The following RANBP2 variants were observed in gnomAD, a reference collection of about 807,000 sequenced individuals.
RANBP2 encodes the protein E3 SUMO-protein ligase RanBP2.
In RANBP2, 57 loss-of-function variants were observed where a neutral mutation model predicts 303.6. The observed-to-expected ratio is 0.19, with a 90% CI of 0.15 to 0.23. The LOEUF is 0.23. Ranked by LOEUF, RANBP2 falls within the 10% of genes least tolerant of loss-of-function variation. RANBP2 has a pLI of 1.00. For synonymous variants in RANBP2, 1,167 were observed against 1,301.5 expected, an observed-to-expected ratio of 0.90 and a Z score of 2.23; for missense variants, 3,138 against 3,780.8, an observed-to-expected ratio of 0.83 and a Z score of 4.46.
the RANBP2 span, among the ~76,000 whole-genome samples, chr2:109,694,262 T>C: frequency 1.3e-5 from 2 of 152,116 alleles, no homozygotes; most frequent in Admixed American, 1.3e-4. Flanking sequence ...CCCCCTTCAC[T>C]CTCTTTGCTC....
chr2:109,351,364 T>C, the RANBP2 span, among the ~76,000 whole-genome samples: 1 of 152,242 alleles, frequency 6.6e-6, no homozygotes, highest in African/African-American at 2.4e-5. Context: ...GATGCCAGTG[T>C]GCACTCTGTG....
chr2:109,593,491 C>T, the RANBP2 span, among the ~76,000 whole-genome samples: 7 of 150,118 alleles, frequency 4.7e-5, no homozygotes, highest in East Asian at 3.9e-4. Flanking sequence ...CTGCAACCTC[C>T]GTCTCCCAGG....
chr2:108,849,601 C>T, the RANBP2 span, among the ~76,000 whole-genome samples: 1 of 152,180 alleles, frequency 6.6e-6, no homozygotes, highest in South Asian at 2.1e-4. Flanking sequence ...GATTCTTTCT[C>T]ACAAGGTTCC....
At chr2:109,799,096 C>T in the RANBP2 span, among the ~76,000 whole-genome samples, 1 of 17,612 alleles carries the variant, frequency 5.7e-5, no homozygotes, top group Non-Finnish European at 8.9e-5. Context: ...GGTGAAACCC[C>T]ATCTCTACTG....
the RANBP2 span, among the ~76,000 whole-genome samples, chr2:109,088,413 A>C: frequency 1.3e-5 from 2 of 151,264 alleles, no homozygotes; most frequent in Admixed American, 6.6e-5. Flanking sequence ...AAAAAAAAAA[A>C]AAAGAGCAGC....
chr2:109,404,408 C>T, the RANBP2 span, among the ~76,000 whole-genome samples: 1 of 152,280 alleles, frequency 6.6e-6, no homozygotes, highest in Non-Finnish European at 1.5e-5. Flanking sequence ...TCTGAGTAGC[C>T]ATGTGGGAAA....
chr2:109,175,956 T>G, the RANBP2 span, among the ~76,000 whole-genome samples: 1 of 152,344 alleles, frequency 6.6e-6, no homozygotes, highest in South Asian at 2.1e-4. Flanking sequence ...TCTGGATCAC[T>G]TGTGCTGAAG....
chr2:109,636,532 C>T, the RANBP2 span, among the ~76,000 whole-genome samples: 1 of 152,078 alleles, frequency 6.6e-6, no homozygotes, highest in Non-Finnish European at 1.5e-5. Flanking sequence ...GGAGCTCTTC[C>T]AGATTAAAGG....
the RANBP2 span, among the ~76,000 whole-genome samples, chr2:109,238,157 G>A: frequency 3.3e-5 from 5 of 152,238 alleles, no homozygotes; most frequent in South Asian, 8.3e-4. Context: ...CCATGATCAT[G>A]CGGGTGCACT....
the RANBP2 span, among the ~76,000 whole-genome samples, chr2:109,032,803 A>G: frequency 6.6e-6 from 1 of 152,250 alleles, no homozygotes; most frequent in Non-Finnish European, 1.5e-5. Context: ...CTCCGGTTGC[A>G]CTGCCACTAC....
chr2:108,853,850 T>C, the RANBP2 span, among the ~76,000 whole-genome samples: 3 of 130,684 alleles, frequency 2.3e-5, no homozygotes, highest in South Asian at 2.2e-4. Context: ...AATATATATA[T>C]ACTATATATA....
At chr2:109,436,820 C>T in the RANBP2 span, 19,903 of 1,543,880 alleles carry the variant, frequency 0.013, 1,059 homozygotes, top group African/African-American at 0.16. Flanking sequence ...CAGAGCGAGG[C>T]TCTGCCAGAG....
the RANBP2 span, among the ~76,000 whole-genome samples, chr2:109,767,264 G>A: frequency 1.3e-5 from 2 of 148,862 alleles, no homozygotes; most frequent in African/African-American, 4.9e-5. Flanking sequence ...GCGGTGCAGC[G>A]TTCTGTCCCT....
chr2:109,012,857 T>C, the RANBP2 span, among the ~76,000 whole-genome samples: 4 of 152,080 alleles, frequency 2.6e-5, no homozygotes, highest in Non-Finnish European at 5.9e-5. Context: ...GAGCTTGCAG[T>C]GAGCAGAGAC....
chr2:109,042,625 C>T, the RANBP2 span, among the ~76,000 whole-genome samples: 1 of 152,170 alleles, frequency 6.6e-6, no homozygotes, highest in African/African-American at 2.4e-5. Flanking sequence ...GGGTCTTAGC[C>T]TTATAATTCT....
chr2:109,220,321 G>T, the RANBP2 span, among the ~76,000 whole-genome samples: 1 of 152,200 alleles, frequency 6.6e-6, no homozygotes, highest in African/African-American at 2.4e-5. Flanking sequence ...TTATAAAACT[G>T]TTATAAGAAT....
the RANBP2 span, among the ~76,000 whole-genome samples, chr2:109,390,327 CG>C: frequency 6.6e-6 from 1 of 152,196 alleles, no homozygotes; most frequent in African/African-American, 2.4e-5. Context: ...TTCTAATCAG[CG>C]GTCCTTCTGC....
At chr2:109,078,211 G>A in the RANBP2 span, among the ~76,000 whole-genome samples, 2,163 of 36,400 alleles carry the variant, frequency 0.059, 279 homozygotes, top group Non-Finnish European at 0.092. Flanking sequence ...TATATATAGC[G>A]TATATATATA....
the RANBP2 span, among the ~76,000 whole-genome samples, chr2:109,424,017 T>C: frequency 6.6e-6 from 1 of 152,180 alleles, no homozygotes; most frequent in African/African-American, 2.4e-5. Context: ...GCAGGGCCGG[T>C]TGCAGTGGAG....
Sources: gnomAD v4.1 joint callset for allele counts (sites outside exome capture counted in the v4.1 genomes callset) on GRCh38, gnomAD v4.1.1 for gene constraint, MANE v1.5 for transcripts, NCBI Gene and HGNC (gene_info 2026-07-23, HGNC 2026-07-21) for gene names.